The following BABAM2 variants were observed in gnomAD, a reference collection of about 807,000 sequenced individuals.
BABAM2 encodes the protein BRISC and BRCA1-A complex member 2.
BABAM2 carries 31 observed loss-of-function variants against 54.7 expected under a neutral mutation model. The observed-to-expected ratio is 0.57, with a 90% CI of 0.43 to 0.77. The LOEUF is 0.77. BABAM2 is among the 30% of genes least tolerant of loss of function. BABAM2 has a pLI of 0.00. For missense variants in BABAM2, 364 were observed against 455.8 expected (o/e 0.80, Z 1.83); for synonymous variants, 167 against 162.9 (o/e 1.03, Z -0.19).
chr2:28,224,420 A>G (rs1680686040), intron 7 of BABAM2, among the ~76,000 whole-genome samples: 1 of 152,222 alleles, frequency 6.6e-6, no homozygotes, highest in South Asian at 2.1e-4. Flanking sequence ...CATGAGTGTC[A>G]TAGAGCCAGA....
rs574223720 is a variant in BABAM2, at chr2:28,278,121, GGA to G, written c.935-20214_935-20213del. Among the ~76,000 whole-genome samples, 35 of 152,282 alleles carry G rather than the reference GGA, an allele frequency of 2.3e-4. No homozygotes were observed. In the East Asian group the frequency reaches 6.8e-3, roughly 29 times the overall value. On this transcript the variant is annotated intron_variant, in intron 10 of 11. Transcript: ENST00000379624. ...GATAAGTGAGTTAAGGAAATAATGT[GGA>G]GATGAGACAGGAAAGAAATGCACCT...
In BABAM2 at chr2:28,027,036, C is replaced by G. The variant is rs532329893; in HGVS notation, c.495+1616C>G. ...AAAGAAACCCCAAAAAAAGAAAAAACAAAACTCTGTATGATTCCCATCACC... is the reference window on the plus strand; with the variant it reads ...AAAGAAACCCCAAAAAAAGAAAAAAGAAAACTCTGTATGATTCCCATCACC... On this transcript the variant is annotated intron_variant, in intron 5 of 11. Transcript: ENST00000379624. Among the ~76,000 whole-genome samples the G allele has an allele frequency of 3.0e-4, 37 of 125,074 alleles. No homozygotes were observed. The South Asian group carries it at 8.8e-3, about 30-fold the overall frequency. 82.1% of individuals were successfully genotyped at this position (125,074 alleles called of 152,430 possible).
At chr2:28,027,100 C>T (rs1675924168) in intron 5 of BABAM2, among the ~76,000 whole-genome samples, 1 of 148,632 alleles carries the variant, frequency 6.7e-6, no homozygotes, top group African/African-American at 2.5e-5. Flanking sequence ...CTGTTCATCT[C>T]CTACCTTCCT....
chr2:28,100,462 CAAAAA>C lies in BABAM2; in HGVS notation c.571-28793_571-28789del, dbSNP rs34217491. Among the ~76,000 whole-genome samples the C allele has an allele frequency of 7.8e-5, 7 of 89,642 alleles. No individual in the cohort carries two copies. In the East Asian group the frequency reaches 1.4e-3, roughly 18 times the overall value. 58.8% of individuals were successfully genotyped at this position (89,642 alleles called of 152,430 possible). Reference sequence around the variant, plus strand: ...GTGACAGAGCGAGAGACTCTGTCTCCAAAAAAAAAAAAAAAAAAAAGATGGCTGCC... The same window carrying C: ...GTGACAGAGCGAGAGACTCTGTCTCCAAAAAAAAAAAAAAAGATGGCTGCC... On this transcript the variant is annotated intron_variant, in intron 6 of 11. Transcript: ENST00000379624.
intron 2 of BABAM2, among the ~76,000 whole-genome samples, chr2:27,924,054 C>T (rs529884852): frequency 1.8e-4 from 28 of 152,306 alleles, no homozygotes; most frequent in Non-Finnish European, 3.2e-4. Context: ...TGGTTACTCT[C>T]CTTCTGAAAT....
intron 6 of BABAM2, among the ~76,000 whole-genome samples, chr2:28,057,002 C>T (rs370687884): frequency 6.6e-6 from 1 of 152,068 alleles, no homozygotes. Context: ...TTAAGGAATG[C>T]GTATATCATA....
intron 4 of BABAM2, among the ~76,000 whole-genome samples, chr2:28,006,224 G>T (rs1276432339): frequency 1.3e-5 from 2 of 151,712 alleles, no homozygotes; most frequent in Non-Finnish European, 2.9e-5. Context: ...TTCTTCCTCT[G>T]CAGTTCATAT....
intron 3 of BABAM2, among the ~76,000 whole-genome samples, chr2:27,962,197 C>T (rs1028562032): frequency 2.0e-5 from 3 of 152,104 alleles, no homozygotes; most frequent in Non-Finnish European, 2.9e-5. Context: ...CCTCAAACTC[C>T]TGGGTTAAAG....
At chr2:28,248,207 C>CTTTTTCTTTCTTTTTTTT (rs1553349503) in intron 10 of BABAM2, among the ~76,000 whole-genome samples, 10 of 54,306 alleles carry the variant, frequency 1.8e-4, no homozygotes, top group African/African-American at 6.7e-4. Flanking sequence ...TTTTCTTTTT[C>CTTTTTCTTTCTTTTTTTT]TTTTTTTTTT....
chr2:28,192,325 C>T (rs1037489181), intron 7 of BABAM2, among the ~76,000 whole-genome samples: 1 of 151,986 alleles, frequency 6.6e-6, no homozygotes, highest in Admixed American at 6.5e-5. Context: ...TGAGCCACTG[C>T]GCCCAGCCAG....
intron 2 of BABAM2, among the ~76,000 whole-genome samples, chr2:27,913,778 T>G (rs1180847605): frequency 2.6e-5 from 4 of 152,184 alleles, no homozygotes; most frequent in Admixed American, 1.3e-4. Context: ...AAGATCACCT[T>G]TTTTTGATGT....
At chr2:28,198,795 C>T (rs761181122) in intron 7 of BABAM2, among the ~76,000 whole-genome samples, 45 of 152,116 alleles carry the variant, frequency 3.0e-4, no homozygotes, top group Non-Finnish European at 6.2e-4. Flanking sequence ...TTGGTCTTGA[C>T]TTGCAGGATA....
At chr2:28,235,334 G>A (rs756386476) in intron 7 of BABAM2, among the ~76,000 whole-genome samples, 2 of 151,856 alleles carry the variant, frequency 1.3e-5, no homozygotes, top group African/African-American at 2.4e-5. Flanking sequence ...ATGCCACCAC[G>A]CCCAGCTAAT....
chr2:28,004,996 T>G (rs1673855060), intron 4 of BABAM2, among the ~76,000 whole-genome samples: 1 of 152,250 alleles, frequency 6.6e-6, no homozygotes, highest in Admixed American at 6.5e-5. Flanking sequence ...AAAACTAATT[T>G]AATGTACTAG....
At chr2:27,981,005 C>A in intron 3 of BABAM2, among the ~76,000 whole-genome samples, 1 of 151,978 alleles carries the variant, frequency 6.6e-6, no homozygotes, top group South Asian at 2.1e-4. Flanking sequence ...ATCACATATA[C>A]CCCATAAATA....
intron 3 of BABAM2, 36 bp downstream of exon 3, chr2:27,929,944 G>T (rs756557133): frequency 6.4e-7 from 1 of 1,566,198 alleles, no homozygotes; most frequent in Non-Finnish European, 8.8e-7. Flanking sequence ...CAAAATGTAG[G>T]TTACAGTGTC....
chr2:27,898,260 C>G (rs900842685), intron 2 of BABAM2, among the ~76,000 whole-genome samples: 1 of 152,116 alleles, frequency 6.6e-6, no homozygotes, highest in Non-Finnish European at 1.5e-5. Context: ...AAGATTGTGC[C>G]TAATCCTATT....
At chr2:28,100,532 G>A (rs1666994895) in intron 6 of BABAM2, among the ~76,000 whole-genome samples, 1 of 149,714 alleles carries the variant, frequency 6.7e-6, no homozygotes, top group Middle Eastern at 3.6e-3. Flanking sequence ...CTATGCTTTT[G>A]TGTATATGTG....
chr2:28,250,496 A>G (rs1683352038), intron 10 of BABAM2, among the ~76,000 whole-genome samples: 1 of 151,098 alleles, frequency 6.6e-6, no homozygotes, highest in Non-Finnish European at 1.5e-5. Context: ...ATTAATTGTC[A>G]TATATATTAC....
Sources: allele counts gnomAD v4.1 joint callset (sites outside exome capture counted in the v4.1 genomes callset), GRCh38; gene constraint gnomAD v4.1.1; transcripts MANE v1.5; gene names NCBI Gene and HGNC (gene_info 2026-07-23, HGNC 2026-07-21).